ROBO2: variants seen among roughly 807,000 people sequenced by gnomAD.
ROBO2 encodes roundabout homolog 2.
A neutral mutation model predicts 160.8 loss-of-function variants in ROBO2; 53 were observed. The observed-to-expected ratio is 0.33, with a 90% CI of 0.26 to 0.41. The LOEUF (loss-of-function observed/expected upper bound fraction) is 0.41. Among genes scored for constraint, ROBO2 ranks in the 10% least tolerant of loss-of-function variants. The pLI, the probability that ROBO2 is intolerant of heterozygous loss-of-function variation, is 1.00. For missense variants in ROBO2, 1,577 were observed against 1,722.4 expected, an observed-to-expected ratio of 0.92 and a Z score of 1.49; for synonymous variants, 664 against 611.7, an observed-to-expected ratio of 1.09 and a Z score of -1.26.
chr3:77,473,546 C>T lies in ROBO2; in HGVS notation c.389-3868C>T, dbSNP rs184206503. 1.9e-4 allele frequency among the ~76,000 whole-genome samples: 28 copies of T among 149,030 alleles called. 1 individual carries two copies. In the East Asian group the frequency reaches 4.6e-3, roughly 24 times the overall value. On this transcript the variant is annotated intron_variant, in intron 2 of 25. Coordinates refer to ENST00000461745, the Ensembl canonical transcript of ROBO2. The stretch of plus-strand genomic sequence containing the variant: ...TCGACTCACTGCAAGCTCCGCCTCC[C>T]GGGTTCCTGCCATTCTCCTGCCTCA...
chr3:76,171,897 G>C (rs182459612), intron 2 of ROBO2, among the ~76,000 whole-genome samples: 130 of 152,198 alleles, frequency 8.5e-4, no homozygotes, highest in African/African-American at 3.0e-3. Context: ...GATGTCTAGT[G>C]AAGAGAATCC....
In ROBO2 at chr3:77,024,900, A is replaced by G. The variant is rs548352463; in HGVS notation, c.110-73114A>G. Among the ~76,000 whole-genome samples the G allele has an allele frequency of 2.4e-4, 36 of 152,290 alleles. 1 individual carries two copies. Among genetic ancestry groups the G allele is most frequent in the African/African-American group, 8.4e-4 (35 of 41,576 alleles). On this transcript the variant is annotated intron_variant, in intron 2 of 26. Coordinates refer to the ROBO2 transcript ENST00000487694. ...TATACAAATATCGTAAAGTGAAGACACAAGTATTAGTGAAATGACCATTAG... is the reference window on the plus strand; with the variant it reads ...TATACAAATATCGTAAAGTGAAGACGCAAGTATTAGTGAAATGACCATTAG...
intron 1 of ROBO2, among the ~76,000 whole-genome samples, chr3:77,044,221 G>A (rs888965013): frequency 3.3e-5 from 5 of 151,994 alleles, no homozygotes; most frequent in African/African-American, 7.2e-5. Flanking sequence ...TCTCATCCCT[G>A]AGCAGCTTGT....
intron 5 of ROBO2, among the ~76,000 whole-genome samples, chr3:77,500,791 G>A (rs2087477251): frequency 6.6e-6 from 1 of 152,150 alleles, no homozygotes; most frequent in African/African-American, 2.4e-5. Context: ...ACCTACGGTG[G>A]GGAGTGCAAG....
chr3:75,994,672 A>G (rs1194885716), intron 2 of ROBO2, among the ~76,000 whole-genome samples: 1 of 152,214 alleles, frequency 6.6e-6, no homozygotes, highest in Non-Finnish European at 1.5e-5. Flanking sequence ...AAATGGACTA[A>G]TACAGTAAAT....
At position 77,406,994 on chromosome 3, in the gene ROBO2, A is replaced by T. The variant is rs1404313357; in HGVS notation, c.389-70420A>T. ...ATGTTTAACGTTTTTAATAGCTGTA[A>T]CTCTTTTTATATATAGATATAGGGT... On this transcript the variant is annotated intron_variant, in intron 2 of 25. Coordinates refer to ENST00000461745, the Ensembl canonical transcript of ROBO2. Among the ~76,000 whole-genome samples the T allele has an allele frequency of 2.0e-5, 3 of 151,892 alleles. No individual in the cohort carries two copies. In the South Asian group the frequency reaches 6.2e-4, roughly 32 times the overall value.
intron 2 of ROBO2, among the ~76,000 whole-genome samples, chr3:76,629,284 AT>A (rs1041570337): frequency 6.6e-6 from 1 of 152,078 alleles, no homozygotes; most frequent in Non-Finnish European, 1.5e-5. Context: ...TGTACAACTA[AT>A]TTTTTTTCCA....
chr3:77,613,219 ATTT>A lies in ROBO2; in HGVS notation c.3294-4282_3294-4280del, dbSNP rs576872166. On this transcript the variant is annotated intron_variant, in intron 21 of 25. Coordinates refer to ENST00000461745, the Ensembl canonical transcript of ROBO2. ...ATTTCTTCTAATATATTCTCTATGAATTTTTTTTTTTTTTAAATTTCATGTGTA... is the reference window on the plus strand; with the variant it reads ...ATTTCTTCTAATATATTCTCTATGAATTTTTTTTTTTAAATTTCATGTGTA... 1.7e-3 allele frequency among the ~76,000 whole-genome samples: 244 copies of A among 146,054 alleles called. 1 individual carries two copies. Among genetic ancestry groups the A allele is most frequent in the African/African-American group, 5.9e-3 (238 of 40,144 alleles).
chr3:77,266,710 T>A (rs2059149227), intron 2 of ROBO2, among the ~76,000 whole-genome samples: 1 of 152,154 alleles, frequency 6.6e-6, no homozygotes, highest in African/African-American at 2.4e-5. Flanking sequence ...TAATCTTGTC[T>A]AATCCTTAGT....
At chr3:76,092,801 A>G (rs1390814331) in intron 2 of ROBO2, among the ~76,000 whole-genome samples, 2 of 152,220 alleles carry the variant, frequency 1.3e-5, no homozygotes, top group Admixed American at 6.5e-5. Flanking sequence ...GAAGATTTCT[A>G]TGACTATTTT....
At position 76,502,687 on chromosome 3, in the gene ROBO2, T is replaced by C. The variant is rs1168997634; in HGVS notation, c.109+565085T>C. 2.6e-5 allele frequency among the ~76,000 whole-genome samples: 4 copies of C among 152,190 alleles called. No individual in the cohort carries two copies. The East Asian group carries it at 7.7e-4, about 29-fold the overall frequency. On this transcript the variant is annotated intron_variant, in intron 2 of 26. Coordinates refer to the ROBO2 transcript ENST00000487694. Reference sequence around the variant, plus strand: ...AATAAGCACATCATGAAGAATGGGATATCCATCCCCTTAAGTATTTATCCT... The same window carrying C: ...AATAAGCACATCATGAAGAATGGGACATCCATCCCCTTAAGTATTTATCCT...
At chr3:76,705,229 T>C (rs1031819158) in intron 2 of ROBO2, among the ~76,000 whole-genome samples, 4 of 152,150 alleles carry the variant, frequency 2.6e-5, no homozygotes, top group Non-Finnish European at 4.4e-5. Flanking sequence ...ATTCTTCATA[T>C]TGAAAAACAG....
intron 2 of ROBO2, among the ~76,000 whole-genome samples, chr3:75,968,911 C>T (rs964453114): frequency 7.1e-6 from 1 of 141,244 alleles, no homozygotes; most frequent in African/African-American, 2.6e-5. Context: ...TCTACTGTTT[C>T]TATATACTTG....
rs182251200 is a variant in ROBO2 at position 76,088,592 on chromosome 3, G to A, written c.109+150990G>A. On this transcript the variant is annotated intron_variant, in intron 2 of 26. Transcript: ENST00000487694. ...TGGAAAAATCCCAAAATACTTGGACGTTAAATAACACATTTCTAAATTACC... is the reference window on the plus strand; with the variant it reads ...TGGAAAAATCCCAAAATACTTGGACATTAAATAACACATTTCTAAATTACC... Among the ~76,000 whole-genome samples the A allele has an allele frequency of 6.8e-4, 104 of 152,124 alleles. 1 individual carries two copies. The highest frequency in any genetic ancestry group is 6.6e-3 in the South Asian group (32 of 4,824).
chr3:76,139,448 T>TATTGAAA (rs1226348602), intron 2 of ROBO2, among the ~76,000 whole-genome samples: 2 of 152,036 alleles, frequency 1.3e-5, no homozygotes, highest in Admixed American at 1.3e-4. Flanking sequence ...GGCAGTGAAA[T>TATTGAAA]ATTGAAACCA....
chr3:76,871,606 T>G (rs1291398015), intron 2 of ROBO2, among the ~76,000 whole-genome samples: 4 of 151,180 alleles, frequency 2.6e-5, no homozygotes, highest in Non-Finnish European at 4.4e-5. Context: ...AAACTTCCAA[T>G]CAACCATTGA....
intron 2 of ROBO2, among the ~76,000 whole-genome samples, chr3:76,472,822 T>C (rs966017074): frequency 2.0e-5 from 3 of 152,174 alleles, no homozygotes; most frequent in Non-Finnish European, 2.9e-5. Context: ...TGATTTCCTG[T>C]TATTAAGCCG....
intron 2 of ROBO2, among the ~76,000 whole-genome samples, chr3:77,124,214 G>C (rs1032063443): frequency 1.3e-5 from 2 of 152,140 alleles, no homozygotes; most frequent in African/African-American, 4.8e-5. Context: ...CCGAATGAAA[G>C]ATATGAGTTA....
At chr3:76,485,290 C>T (rs2079433818) in intron 2 of ROBO2, among the ~76,000 whole-genome samples, 1 of 151,908 alleles carries the variant, frequency 6.6e-6, no homozygotes, top group Non-Finnish European at 1.5e-5. Flanking sequence ...TAGATTCTCA[C>T]AAGGAGCACG....
Sources: gnomAD v4.1 joint callset for allele counts (sites outside exome capture counted in the v4.1 genomes callset) on GRCh38, gnomAD v4.1.1 for gene constraint, MANE v1.5 for transcripts, NCBI Gene and HGNC (gene_info 2026-07-23, HGNC 2026-07-21) for gene names.